Variants in ARHGEF6 observed in about 807,000 individuals in gnomAD.
The protein encoded by ARHGEF6 is rho guanine nucleotide exchange factor 6.
A neutral mutation model predicts 70.3 loss-of-function variants in ARHGEF6; 9 were observed. The ratio of observed to expected loss-of-function variants is 0.13; its 90% CI spans 0.08 to 0.22. The LOEUF is 0.22. ARHGEF6 is among the 10% of genes least tolerant of loss of function. ARHGEF6 has a pLI of 1.00. For missense variants in ARHGEF6, 470 were observed against 563.0 expected (o/e 0.83, Z 1.67); for synonymous variants, 201 against 207.8 (o/e 0.97, Z 0.28).
At chrX:136,681,567 C>T (rs2076333424) in intron 14 of ARHGEF6, among the ~76,000 whole-genome samples, 1 of 112,405 alleles carries the variant, frequency 8.9e-6, no homozygotes, top group African/African-American at 3.2e-5. Flanking sequence ...TCTTTGGCTC[C>T]TCTGCCACCA....
At chrX:136,698,228 A>G (rs1301341292) in intron 9 of ARHGEF6, among the ~76,000 whole-genome samples, 3 of 112,007 alleles carry the variant, frequency 2.7e-5, no homozygotes, top group Non-Finnish European at 5.6e-5. Context: ...AAAAAGGAGA[A>G]AAAAGAATAA....
intron 2 of ARHGEF6, among the ~76,000 whole-genome samples, chrX:136,753,503 G>C (rs2077173477): frequency 9.0e-6 from 1 of 111,595 alleles, no homozygotes; most frequent in African/African-American, 3.3e-5. Flanking sequence ...CAGCATCTTG[G>C]CTGGGTCCCC....
chrX:136,718,692 A>G (rs2076763622), intron 6 of ARHGEF6, among the ~76,000 whole-genome samples: 1 of 111,389 alleles, frequency 9.0e-6, no homozygotes, highest in East Asian at 2.8e-4. Context: ...AGCAGGGCCA[A>G]TATGATATTG....
At chrX:136,722,306 CAA>C (rs1470878033) in intron 6 of ARHGEF6, among the ~76,000 whole-genome samples, 3 of 111,338 alleles carry the variant, frequency 2.7e-5, no homozygotes, top group Non-Finnish European at 5.7e-5. Context: ...CAAAACAAAA[CAA>C]AAATAAGTAA....
At chrX:136,717,698 G>A (rs188425027) in intron 6 of ARHGEF6, among the ~76,000 whole-genome samples, 1 of 111,575 alleles carries the variant, frequency 9.0e-6, no homozygotes, top group East Asian at 2.8e-4. Context: ...GAGTGACAGC[G>A]ATCATACAAG....
At chrX:136,752,907 C>A (rs1348221765) in intron 2 of ARHGEF6, among the ~76,000 whole-genome samples, 1 of 112,126 alleles carries the variant, frequency 8.9e-6, no homozygotes. Flanking sequence ...AGCACACTGC[C>A]TCTGTTAACC....
intron 3 of ARHGEF6, among the ~76,000 whole-genome samples, chrX:136,747,130 A>T (rs2077101753): frequency 9.0e-6 from 1 of 111,389 alleles, no homozygotes; most frequent in East Asian, 2.8e-4. Flanking sequence ...TACATAAAAC[A>T]ATGAGAAAAA....
intron 9 of ARHGEF6, among the ~76,000 whole-genome samples, chrX:136,700,618 G>A (rs1235687088): frequency 8.9e-6 from 1 of 111,991 alleles, no homozygotes; most frequent in Non-Finnish European, 1.9e-5. Flanking sequence ...TACAGCTACA[G>A]CAAACATTAA....
chrX:136,757,728 A>ACCATACAC (rs2077222088), intron 2 of ARHGEF6, among the ~76,000 whole-genome samples: 1 of 111,901 alleles, frequency 8.9e-6, no homozygotes, highest in Non-Finnish European at 1.9e-5. Flanking sequence ...TGGACACCTA[A>ACCATACAC]CCATACACTG....
At chrX:136,742,086 T>C (rs780308157) in intron 5 of ARHGEF6, among the ~76,000 whole-genome samples, 5 of 111,540 alleles carry the variant, frequency 4.5e-5, no homozygotes, top group Admixed American at 3.8e-4. Context: ...TTTGGGAGGC[T>C]GAGGCGGGCG....
rs993664017 is a variant in ARHGEF6, at chrX:136,667,976, G to A, written c.*53C>T. The A allele has an allele frequency of 5.7e-5, 68 of 1,197,018 alleles. No homozygotes were observed. Among genetic ancestry groups the A allele is most frequent in the South Asian group, 1.4e-4 (8 of 56,500 alleles). Reference sequence around the variant, plus strand: ...AGCAAACTGAGTCAAATCATTCAGCGGGACATTTCAAGATGCCCTGAAGGC... The same window carrying A: ...AGCAAACTGAGTCAAATCATTCAGCAGGACATTTCAAGATGCCCTGAAGGC... On this transcript the variant is annotated 3_prime_UTR_variant, in exon 22 of 22. Transcript: ENST00000250617.
At chrX:136,703,599 G>A (rs377294523) in intron 9 of ARHGEF6, among the ~76,000 whole-genome samples, 6 of 111,882 alleles carry the variant, frequency 5.4e-5, no homozygotes, top group African/African-American at 1.6e-4. Context: ...CTCGGCTCAC[G>A]GCAACCTCCG....
At chrX:136,711,775 G>A (rs943751544) in intron 7 of ARHGEF6, among the ~76,000 whole-genome samples, 4 of 111,587 alleles carry the variant, frequency 3.6e-5, no homozygotes, top group Non-Finnish European at 7.5e-5. Flanking sequence ...TGCCCAGATT[G>A]GTCTTGAACT....
At chrX:136,687,820 C>T in intron 11 of ARHGEF6, 112 bp downstream of exon 11, 1 of 672,930 alleles carries the variant, frequency 1.5e-6, no homozygotes, top group Non-Finnish European at 2.5e-6. Flanking sequence ...GTCATGAAAG[C>T]TTATTTCCAT....
Position 136,709,738 on chromosome X carries a change from G to T in ARHGEF6, c.828-968C>A, listed in dbSNP as rs781621183. Reference sequence around the variant, plus strand: ...CCAGCACTCTGGGAGGCCGAGGCGGGTGGATCACTTGAACCCAGGAGTTCA... The same window carrying T: ...CCAGCACTCTGGGAGGCCGAGGCGGTTGGATCACTTGAACCCAGGAGTTCA... On this transcript the variant is annotated intron_variant, in intron 7 of 21. Transcript: ENST00000250617. Among the ~76,000 whole-genome samples the T allele has an allele frequency of 4.9e-3, 551 of 112,807 alleles. 3 individuals carry two copies. The highest frequency in any genetic ancestry group is 0.017 in the African/African-American group (528 of 31,105).
At chrX:136,710,383 A>G (rs1230682873) in intron 7 of ARHGEF6, among the ~76,000 whole-genome samples, 1 of 103,065 alleles carries the variant, frequency 9.7e-6, no homozygotes, top group Non-Finnish European at 2.0e-5. Flanking sequence ...CCAAGAGAAT[A>G]TTTTTTTGCT....
chrX:136,716,486 A>G (rs753182148), intron 6 of ARHGEF6, among the ~76,000 whole-genome samples: 36 of 111,618 alleles, frequency 3.2e-4, no homozygotes, highest in African/African-American at 1.0e-3. Context: ...CCCTCCTTCT[A>G]CACCTTACCA....
chrX:136,762,935 G>C (rs760739125), intron 2 of ARHGEF6, among the ~76,000 whole-genome samples: 5 of 111,717 alleles, frequency 4.5e-5, no homozygotes, highest in Admixed American at 9.5e-5. Flanking sequence ...AGAAAAAAAA[G>C]GCTGCCCTAA....
intron 6 of ARHGEF6, among the ~76,000 whole-genome samples, chrX:136,726,252 C>T (rs1329631372): frequency 2.7e-5 from 3 of 111,478 alleles, no homozygotes; most frequent in African/African-American, 9.8e-5. Flanking sequence ...GTGATTGATT[C>T]TGCACGCCCA....
Sources: gnomAD v4.1 joint callset for allele counts (sites outside exome capture counted in the v4.1 genomes callset) on GRCh38, gnomAD v4.1.1 for gene constraint, MANE v1.5 for transcripts, NCBI Gene and HGNC (gene_info 2026-07-23, HGNC 2026-07-21) for gene names.